Variants in SFXN5 observed in about 807,000 individuals in gnomAD.
SFXN5 encodes sideroflexin-5.
A neutral mutation model predicts 50.2 loss-of-function variants in SFXN5; 43 were observed. The observed-to-expected ratio is 0.86, with a 90% CI of 0.67 to 1.11. SFXN5 has a LOEUF of 1.11. Ranked by LOEUF, SFXN5 falls within the 50% of genes least tolerant of loss-of-function variation. The pLI is 0.00. For synonymous variants in SFXN5, 203 were observed against 185.8 expected, an observed-to-expected ratio of 1.09 and a Z score of -0.75; for missense variants, 463 against 454.1, an observed-to-expected ratio of 1.02 and a Z score of -0.18.
intron 13 of SFXN5, among the ~76,000 whole-genome samples, chr2:72,947,746 G>C (rs1308738828): frequency 1.3e-5 from 2 of 151,988 alleles, no homozygotes; most frequent in Non-Finnish European, 2.9e-5. Flanking sequence ...ACCCGAGAGG[G>C]CCAAACAGAG....
chr2:73,068,198 G>A (rs1357304612), intron 1 of SFXN5, among the ~76,000 whole-genome samples: 2 of 152,198 alleles, frequency 1.3e-5, no homozygotes, highest in African/African-American at 4.8e-5. Flanking sequence ...TGCAGAAAGC[G>A]GTGAGATTAA....
intron 13 of SFXN5, among the ~76,000 whole-genome samples, chr2:72,954,564 C>T (rs1454892302): frequency 6.6e-6 from 1 of 152,194 alleles, no homozygotes; most frequent in Admixed American, 6.5e-5. Flanking sequence ...GCCGCCAGCC[C>T]CTACAAGGGC....
intron 12 of SFXN5, among the ~76,000 whole-genome samples, chr2:72,962,872 G>A (rs997744518): frequency 1.3e-5 from 2 of 152,158 alleles, no homozygotes; most frequent in Admixed American, 1.3e-4. Flanking sequence ...GGAAAGGGGA[G>A]TTTCCACAGG....
At position 72,961,139 on chromosome 2, in the gene SFXN5, T is replaced by A. The variant is rs138463788; in HGVS notation, c.937A>T (p.Met313Leu). The change falls in exon 13 of 14, where the codon ATG becomes TTG. Residue 313 changes from methionine (M) to leucine (L), a missense_variant. By Grantham distance (15) the Met-to-Leu change is conservative (BLOSUM62 2). Transcript: ENST00000272433. The surrounding 1 kb of genome is among the most constrained non-coding windows in gnomAD (Gnocchi z 4.4). ...LPLAISLFPQ[M>L]SEIETSQLEP... ...AGCCCCTCCCCACTGACCTCTGACA[T>A]TTGCGGGAAGAGGCTGATGGCCAGC... 6.7e-5 allele frequency: 106 copies of A among 1,583,890 alleles called. No homozygotes were observed. Among genetic ancestry groups the A allele is most frequent in the Non-Finnish European group, 8.2e-5 (96 of 1,166,574 alleles).
At chr2:73,007,086 C>A (rs549238700) in intron 6 of SFXN5, among the ~76,000 whole-genome samples, 1 of 152,276 alleles carries the variant, frequency 6.6e-6, no homozygotes, top group African/African-American at 2.4e-5. Flanking sequence ...ATATCTCAGT[C>A]TGCTTGGCCA....
intron 4 of SFXN5, 86 bp downstream of exon 4, chr2:73,023,102 G>T: frequency 7.2e-7 from 1 of 1,392,436 alleles, no homozygotes; most frequent in East Asian, 2.5e-5. Flanking sequence ...CCACCGGAGG[G>T]GGGCTTCCAC....
chr2:73,013,406 CGTGTGTGT>C lies in SFXN5; in HGVS notation c.357+6825_357+6832del, dbSNP rs61590375. On this transcript the variant is annotated intron_variant, in intron 6 of 13. Transcript: ENST00000272433. Reference sequence around the variant, plus strand: ...AATAATCAATGAAACAGGGATATTTCGTGTGTGTGTGTGTGTGTGTGTGTGTGTGTGTG... The same window carrying C: ...AATAATCAATGAAACAGGGATATTTCGTGTGTGTGTGTGTGTGTGTGTGTG... Among the ~76,000 whole-genome samples, 12 of 139,810 alleles carry C rather than the reference CGTGTGTGT, an allele frequency of 8.6e-5. No individual in the cohort carries two copies. In the South Asian group the frequency reaches 9.5e-4, roughly 11 times the overall value. 91.7% of individuals were successfully genotyped at this position (139,810 alleles called of 152,430 possible).
chr2:73,008,176 T>C (rs1674967112), intron 6 of SFXN5, among the ~76,000 whole-genome samples: 2 of 152,190 alleles, frequency 1.3e-5, no homozygotes, highest in African/African-American at 2.4e-5. Context: ...TGTGTTAAAA[T>C]GAAGGAGTGC....
intron 1 of SFXN5, among the ~76,000 whole-genome samples, chr2:73,067,469 T>G (rs1033561363): frequency 3.9e-5 from 6 of 152,180 alleles, no homozygotes; most frequent in Admixed American, 6.5e-5. Flanking sequence ...TTTTGAAAAA[T>G]GTACTGTGGC....
chr2:73,040,873 G>A lies in SFXN5; in HGVS notation c.230C>T (p.Pro77Leu), dbSNP rs757794407. 20 of 1,612,358 alleles carry A rather than the reference G, an allele frequency of 1.2e-5. No individual in the cohort carries two copies. Among genetic ancestry groups the A allele is most frequent in the East Asian group, 4.5e-5 (2 of 44,876 alleles). Residue 77 changes from proline to leucine, a missense_variant, in exon 3 of 14, where the codon CCG becomes CTG. Physicochemically the swap from Pro to Leu is moderately conservative, Grantham distance 98. Transcript: ENST00000272433. ...AGTTACCTGTTCATTGGTGACCCCCGGGCGCAGGGTCCCATGCTTATAGTC... is the reference window on the plus strand; with the variant it reads ...AGTTACCTGTTCATTGGTGACCCCCAGGCGCAGGGTCCCATGCTTATAGTC... ...LEDYKHGTLRPGVTNEQLWSA... is the reference protein window; with the variant it reads ...LEDYKHGTLRLGVTNEQLWSA...
chr2:72,988,518 C>T (rs73943015), intron 9 of SFXN5, among the ~76,000 whole-genome samples, 170 bp from the exon 10 acceptor site: 9,414 of 152,064 alleles, frequency 0.062, 373 homozygotes, highest in East Asian at 0.17. Context: ...AGAGCTCCAG[C>T]GTCGCTGCTT....
chr2:73,046,019 T>C (rs1680271603), intron 2 of SFXN5, among the ~76,000 whole-genome samples: 1 of 151,934 alleles, frequency 6.6e-6, no homozygotes, highest in African/African-American at 2.4e-5. Flanking sequence ...AGCCTATCCC[T>C]TCAGAAAAGA....
intron 6 of SFXN5, among the ~76,000 whole-genome samples, chr2:73,010,752 A>G (rs1191177033): frequency 6.6e-6 from 1 of 152,196 alleles, no homozygotes; most frequent in African/African-American, 2.4e-5. Flanking sequence ...TTAAAACCCA[A>G]CCACTTAGAA....
At chr2:72,988,233 C>A in intron 10 of SFXN5, 25 bp downstream of exon 10, 1 of 1,608,786 alleles carries the variant, frequency 6.2e-7, no homozygotes, top group Non-Finnish European at 8.5e-7. Flanking sequence ...CCACAGCACA[C>A]ATCTATGTGG....
chr2:73,034,628 T>C (rs1057049292), intron 3 of SFXN5, among the ~76,000 whole-genome samples: 6 of 152,136 alleles, frequency 3.9e-5, no homozygotes, highest in African/African-American at 1.4e-4. Flanking sequence ...TGGGGAATGT[T>C]GAATGATGGA....
intron 2 of SFXN5, among the ~76,000 whole-genome samples, chr2:73,054,329 T>C (rs948791955): frequency 1.3e-5 from 2 of 152,254 alleles, no homozygotes; most frequent in African/African-American, 2.4e-5. Context: ...TTCATTATTT[T>C]CTAGTCAGTA....
At chr2:72,981,281 T>A (rs1671276128) in intron 10 of SFXN5, 1 of 152,054 alleles carries the variant, frequency 6.6e-6, no homozygotes, top group Non-Finnish European at 1.5e-5. Flanking sequence ...GCAGCTGAAA[T>A]CTGAGTGAGC....
At chr2:73,053,740 ATCTT>A (rs1023467448) in intron 2 of SFXN5, among the ~76,000 whole-genome samples, 3 of 152,166 alleles carry the variant, frequency 2.0e-5, no homozygotes, top group African/African-American at 4.8e-5. Context: ...GCTGCCTAGG[ATCTT>A]TCTACTTCTG....
chr2:72,990,151 C>A (rs1429958857), intron 9 of SFXN5, among the ~76,000 whole-genome samples: 1 of 152,270 alleles, frequency 6.6e-6, no homozygotes, highest in Non-Finnish European at 1.5e-5. Context: ...AGCCCCGGGG[C>A]AGCGCAGCAT....
Sources: gnomAD v4.1 joint callset for allele counts (sites outside exome capture counted in the v4.1 genomes callset) on GRCh38, gnomAD v4.1.1 for gene constraint, Gnocchi (gnomAD v3.1) non-coding constraint, MANE v1.5 for transcripts, NCBI Gene and HGNC (gene_info 2026-07-23, HGNC 2026-07-21) for gene names.